BMF: variants seen among roughly 807,000 people sequenced by gnomAD.
BMF encodes Bcl2 modifying factor, also known as bcl-2-modifying factor.
In BMF, 10 loss-of-function variants were observed where a neutral mutation model predicts 22.0. That is an observed-to-expected ratio of 0.45 (90% CI 0.28 to 0.77). BMF has a LOEUF of 0.77. Among genes scored for constraint, BMF ranks in the 30% least tolerant of loss-of-function variants. BMF has a pLI of 0.13. For missense variants in BMF, 206 were observed against 226.8 expected (o/e 0.91, Z 0.59); for synonymous variants, 87 against 88.1 (o/e 0.99, Z 0.07).
rs761739007 is a variant in BMF, at chr15:40,106,067, A to G, written c.20T>C (p.Val7Ala). The change falls in exon 3 of 5, where the codon GTG becomes GCG. Residue 7 changes from valine to alanine, a missense_variant. Physicochemically the swap from Val to Ala is moderately conservative, Grantham distance 64 (BLOSUM62 0). Coordinates refer to ENST00000354670, the MANE Select transcript of BMF (RefSeq NM_001003940.2). This position sits in a 1 kb window ranked among gnomAD's most constrained non-coding sequence, Gnocchi z 4.1. ...GAACACATCATCCTCCAGCTCCTCC[A>G]CACACTGAGATGGCTCCATCTCTCC... The part of the protein sequence containing the change: MEPSQC[V>A]EELEDDVFQP... 6.2e-7 allele frequency: 1 copy of G among 1,607,916 alleles called. No homozygotes were observed. The highest frequency in any genetic ancestry group is 8.5e-7 in the Non-Finnish European group (1 of 1,177,092).
rs1395405187 is a variant in BMF, at chr15:40,091,048, A to G, written c.*739T>C. 6.6e-6 allele frequency: 1 copy of G among 152,624 alleles called. No homozygotes were observed. Among genetic ancestry groups the G allele is most frequent in the Non-Finnish European group, 1.5e-5 (1 of 68,054 alleles). 9.5% of individuals were successfully genotyped at this position (152,624 alleles called of 1,614,324 possible). On this transcript the variant is annotated 3_prime_UTR_variant, in exon 5 of 5. Coordinates refer to ENST00000354670, the MANE Select transcript of BMF (RefSeq NM_001003940.2). Reference sequence around the variant, plus strand: ...GGTGGCAGTGGCTCTGTACCTCAGGACCAATCCTGGGGCCTCCAAGTGGGA... The same window carrying G: ...GGTGGCAGTGGCTCTGTACCTCAGGGCCAATCCTGGGGCCTCCAAGTGGGA...
intron 4 of BMF, among the ~76,000 whole-genome samples, chr15:40,101,671 C>T (rs1595481963): frequency 6.6e-6 from 1 of 152,198 alleles, no homozygotes; most frequent in East Asian, 1.9e-4. Flanking sequence ...AAACCAGCTG[C>T]TGAAACGTTC....
chr15:40,105,802 G>C lies in BMF; in HGVS notation c.285C>G (p.Leu95=). 6.2e-7 allele frequency: 1 copy of C among 1,606,482 alleles called. No individual in the cohort carries two copies. The highest frequency in any genetic ancestry group is 8.5e-7 in the Non-Finnish European group (1 of 1,175,776). ...PCGVTEEPQR[L]FYGNAGYRLP... The stretch of plus-strand genomic sequence containing the variant: ...GAGGCTGAGAGCACTCACCATAAAA[G>C]AGTCGCTGGGGTTCCTCAGTCACCC... Residue 95 remains leucine, a synonymous_variant, in exon 3 of 5, where the codon CTC becomes CTG. Coordinates refer to ENST00000354670, the MANE Select transcript of BMF (RefSeq NM_001003940.2).
At chr15:40,100,854 G>C (rs2036461433) in intron 4 of BMF, among the ~76,000 whole-genome samples, 1 of 152,106 alleles carries the variant, frequency 6.6e-6, no homozygotes, top group South Asian at 2.1e-4. Flanking sequence ...GGTCGTTCTG[G>C]TGCAAAAAAA....
chr15:40,091,412 T>C lies in BMF; in HGVS notation c.*375A>G, dbSNP rs553872122. 4 of 172,224 alleles carry C rather than the reference T, an allele frequency of 2.3e-5. No individual in the cohort carries two copies. In the South Asian group the frequency reaches 6.5e-4, roughly 28 times the overall value. 10.7% of individuals were successfully genotyped at this position (172,224 alleles called of 1,614,324 possible). A position where few individuals can be genotyped will look rare whatever the true frequency, so the allele number is the denominator to read the frequency against. On this transcript the variant is annotated 3_prime_UTR_variant, in exon 5 of 5. Coordinates refer to ENST00000354670, the MANE Select transcript of BMF (RefSeq NM_001003940.2). ...GGAGTCTAATCCACTCTCGATTTCT[T>C]AACTGAGTTCCTCTGGAAAAACCAC... is the stretch of plus-strand genomic sequence containing the variant.
chr15:40,093,382 C>T (rs901391280), intron 4 of BMF, among the ~76,000 whole-genome samples: 2 of 152,198 alleles, frequency 1.3e-5, no homozygotes, highest in Non-Finnish European at 2.9e-5. Context: ...GAAGGGAAAT[C>T]GGGCGTGCCA....
At position 40,106,642 on chromosome 15, in the gene BMF, C is replaced by T. The variant is rs1388761446; in HGVS notation, c.-5-551G>A. On this transcript the variant is annotated intron_variant, in intron 2 of 4. Transcript: ENST00000354670. This position sits in a 1 kb window ranked among gnomAD's most constrained non-coding sequence, Gnocchi z 4.1. ...AAAACAAAAGCCAGCAATCCTAGGA[C>T]AGCCAGGTTCCCTCCAAACCTCTAA... 1 of 152,490 alleles carries T rather than the reference C, an allele frequency of 6.6e-6. No individual in the cohort carries two copies. Among genetic ancestry groups the T allele is most frequent in the African/African-American group, 2.4e-5 (1 of 41,426 alleles). 9.4% of individuals were successfully genotyped at this position (152,490 alleles called of 1,614,324 possible).
chr15:40,100,839 G>A (rs2036461031), intron 4 of BMF, among the ~76,000 whole-genome samples: 2 of 152,298 alleles, frequency 1.3e-5, no homozygotes, highest in South Asian at 2.1e-4. Context: ...ACCTCCAAGG[G>A]AGAAGGTCGT....
chr15:40,103,522 C>G (rs764637771), intron 4 of BMF, among the ~76,000 whole-genome samples: 1 of 152,254 alleles, frequency 6.6e-6, no homozygotes, highest in African/African-American at 2.4e-5. Context: ...GCCACATGCT[C>G]GGCTGACACG....
chr15:40,106,096 G>A lies in BMF; in HGVS notation c.-5-5C>T. The A allele has an allele frequency of 6.3e-7, 1 of 1,586,404 alleles. No homozygotes were observed. Among genetic ancestry groups the A allele is most frequent in the Non-Finnish European group, 8.6e-7 (1 of 1,165,236 alleles). Reference sequence around the variant, plus strand: ...ACTGAGATGGCTCCATCTCTCCTGTGAGGGGGCAACGCAGGCATCTGGGCT... The same window carrying A: ...ACTGAGATGGCTCCATCTCTCCTGTAAGGGGGCAACGCAGGCATCTGGGCT... On this transcript the variant is annotated splice_polypyrimidine_tract_variant and splice_region_variant and intron_variant, in intron 2 of 4. Transcript: ENST00000354670. This position sits in a 1 kb window ranked among gnomAD's most constrained non-coding sequence, Gnocchi z 4.1.
At position 40,104,577 on chromosome 15, in the gene BMF, G is replaced by A. The variant is rs191312366; in HGVS notation, c.293-237C>T. On this transcript the variant is annotated intron_variant, in intron 3 of 4. Transcript: ENST00000354670. Reference sequence around the variant, plus strand: ...CCTTCTCTTCGCTTCTCCATTCACTGACAGTGCCATGACAAAGGGCAGGTG... The same window carrying A: ...CCTTCTCTTCGCTTCTCCATTCACTAACAGTGCCATGACAAAGGGCAGGTG... 7.0e-4 allele frequency among the ~76,000 whole-genome samples: 107 copies of A among 152,316 alleles called. No individual in the cohort carries two copies. In the East Asian group the frequency reaches 0.02, roughly 29 times the overall value.
At chr15:40,092,971 C>G (rs1334818821) in intron 4 of BMF, among the ~76,000 whole-genome samples, 2 of 152,222 alleles carry the variant, frequency 1.3e-5, no homozygotes, top group Non-Finnish European at 2.9e-5. Flanking sequence ...CGTCAGCAAG[C>G]AAGTTTACAT....
chr15:40,092,476 C>CA (rs2036259590), intron 4 of BMF, among the ~76,000 whole-genome samples: 1 of 151,690 alleles, frequency 6.6e-6, no homozygotes, highest in African/African-American at 2.4e-5. Flanking sequence ...CACACACACA[C>CA]CCTTGTGCGC....
intron 4 of BMF, among the ~76,000 whole-genome samples, chr15:40,099,177 A>G (rs1300269503): frequency 2.0e-5 from 3 of 152,244 alleles, no homozygotes; most frequent in Non-Finnish European, 4.4e-5. Context: ...CTAGTTAGCC[A>G]GCTTAAGTTC....
At chr15:40,094,772 C>A (rs929599068) in intron 4 of BMF, among the ~76,000 whole-genome samples, 42 of 152,178 alleles carry the variant, frequency 2.8e-4, no homozygotes, top group African/African-American at 9.7e-4. Flanking sequence ...ATATTTTAAT[C>A]ATAAAAGCAA....
At position 40,089,126 on chromosome 15, in the gene BMF, C is replaced by G. The variant is rs1175735046; in HGVS notation, c.*2661G>C. 6.6e-6 allele frequency: 1 copy of G among 152,574 alleles called. No individual in the cohort carries two copies. Among genetic ancestry groups the G allele is most frequent in the Non-Finnish European group, 1.5e-5 (1 of 68,086 alleles). The allele number at this position is 152,574 out of a possible 1,614,324, so 9.5% of individuals were successfully genotyped here. On this transcript the variant is annotated 3_prime_UTR_variant, in exon 5 of 5. Coordinates refer to ENST00000354670, the MANE Select transcript of BMF (RefSeq NM_001003940.2). ...CAGGTCAGGATCCAGGTCAGACTCT[C>G]CCTCCCTCTAAATCTGATTCTCCAC...
chr15:40,095,987 G>A (rs2036351532), intron 4 of BMF, among the ~76,000 whole-genome samples: 1 of 152,080 alleles, frequency 6.6e-6, no homozygotes, highest in Non-Finnish European at 1.5e-5. Context: ...CATACAGTAG[G>A]CACTCAACAA....
chr15:40,107,659 C>T (rs1393556355), intron 2 of BMF, among the ~76,000 whole-genome samples: 3 of 152,012 alleles, frequency 2.0e-5, no homozygotes, highest in Non-Finnish European at 2.9e-5. Flanking sequence ...AGTGCTGTCC[C>T]GCCAGTCACC....
intron 4 of BMF, among the ~76,000 whole-genome samples, chr15:40,094,277 G>A (rs1002810640): frequency 3.9e-5 from 6 of 152,300 alleles, no homozygotes; most frequent in Admixed American, 1.3e-4. Context: ...ATCTGGGAGC[G>A]TTGGGGGACT....
Sources: allele counts gnomAD v4.1 joint callset (sites outside exome capture counted in the v4.1 genomes callset), GRCh38; gene constraint gnomAD v4.1.1; non-coding constraint Gnocchi (gnomAD v3.1); transcripts MANE v1.5; gene names NCBI Gene and HGNC (gene_info 2026-07-23, HGNC 2026-07-21).